DLGAP2: variants seen among roughly 807,000 people sequenced by gnomAD.
DLGAP2 encodes the protein disks large-associated protein 2.
In DLGAP2, 26 loss-of-function variants were observed where a neutral mutation model predicts 100.3. The observed-to-expected ratio is 0.26, with a 90% CI of 0.19 to 0.36. The LOEUF (loss-of-function observed/expected upper bound fraction) is 0.36, where lower values mean the gene tolerates loss of function less well. DLGAP2 is among the 10% of genes least tolerant of loss of function. The probability of loss-of-function intolerance (pLI) is 1.00; values close to 1 mark genes in which losing one functional copy is unlikely to be tolerated. For missense variants in DLGAP2, 1,858 were observed against 1,453.2 expected (o/e 1.28, Z -4.53); for synonymous variants, 886 against 630.1 (o/e 1.41, Z -6.08).
At chr8:1,233,311 T>C (rs4073840) in intron 2 of DLGAP2, among the ~76,000 whole-genome samples, 67,773 of 152,116 alleles carry the variant, frequency 0.45, 16,059 homozygotes, top group Middle Eastern at 0.55. Context: ...ATTTGCCACG[T>C]GATATATTTA....
intron 3 of DLGAP2, among the ~76,000 whole-genome samples, chr8:1,356,798 G>A (rs972059439): frequency 2.2e-4 from 34 of 152,234 alleles, no homozygotes; most frequent in Admixed American, 2.2e-3. Context: ...AGTGAATGAG[G>A]TGAGTATAAG....
chr8:1,028,925 C>G (rs1322717805), intron 2 of DLGAP2, among the ~76,000 whole-genome samples: 1 of 152,098 alleles, frequency 6.6e-6, no homozygotes, highest in Non-Finnish European at 1.5e-5. Context: ...ACGGCCTGAC[C>G]GAGGGGCAGC....
chr8:1,580,376 C>G (rs148768159), intron 6 of DLGAP2, among the ~76,000 whole-genome samples: 16 of 152,148 alleles, frequency 1.1e-4, no homozygotes, highest in African/African-American at 3.4e-4. Context: ...CTCGACATAA[C>G]GAAGAAATCA....
rs1379768845 is a variant in DLGAP2, at chr8:1,705,963, T to A, written c.*4557T>A. On this transcript the variant is annotated 3_prime_UTR_variant, in exon 15 of 15. Coordinates refer to ENST00000637795, the MANE Select transcript of DLGAP2 (RefSeq NM_001346810.2). ...TGTGGGCTGGGTCAATGCAGTGTGC[T>A]TCATTCAGGGCCATGTGGCAGCCAT... 6.6e-6 allele frequency: 1 copy of A among 152,228 alleles called. No individual in the cohort carries two copies. Among genetic ancestry groups the A allele is most frequent in the African/African-American group, 2.4e-5 (1 of 41,446 alleles). The allele number at this position is 152,228 out of a possible 1,614,324, so 9.4% of individuals were successfully genotyped here. A position where few individuals can be genotyped will look rare whatever the true frequency, so the allele number is the denominator to read the frequency against.
chr8:1,501,263 A>G lies in DLGAP2; in HGVS notation c.107-103A>G, dbSNP rs917688062. On this transcript the variant is annotated intron_variant, in intron 3 of 14. Coordinates refer to ENST00000637795, the MANE Select transcript of DLGAP2 (RefSeq NM_001346810.2). ...TTGAAGAAATACAAAGGTGTCTGTC[A>G]TGTTTGAACTGTTGAGTGTGGAGGG... 12 of 1,220,096 alleles carry G rather than the reference A, an allele frequency of 9.8e-6. No homozygotes were observed. The African/African-American group carries it at 1.5e-4, about 15-fold the overall frequency. 75.6% of individuals were successfully genotyped at this position (1,220,096 alleles called of 1,614,324 possible).
At chr8:1,591,297 CT>C (rs1347750750) in intron 6 of DLGAP2, among the ~76,000 whole-genome samples, 1 of 152,050 alleles carries the variant, frequency 6.6e-6, no homozygotes, top group Non-Finnish European at 1.5e-5. Flanking sequence ...CCCCCTCCCC[CT>C]CCCTCTTCCT....
At chr8:1,180,930 G>A (rs28407257) in intron 2 of DLGAP2, among the ~76,000 whole-genome samples, 46,243 of 110,812 alleles carry the variant, frequency 0.42, 13,683 homozygotes, top group Admixed American at 0.58. Context: ...TGCAAGGGCA[G>A]TACACTTACT....
At chr8:1,462,801 A>G (rs967822710) in intron 3 of DLGAP2, among the ~76,000 whole-genome samples, 16 of 152,240 alleles carry the variant, frequency 1.1e-4, no homozygotes, top group African/African-American at 3.6e-4. Flanking sequence ...CGTGAGATAC[A>G]GCAGCCCTCA....
intron 6 of DLGAP2, among the ~76,000 whole-genome samples, chr8:1,581,075 TCTAC>T (rs1803226153): frequency 6.9e-6 from 1 of 144,418 alleles, no homozygotes; most frequent in African/African-American, 2.6e-5. Context: ...CCCACACACA[TCTAC>T]ACACCACAGT....
intron 4 of DLGAP2, among the ~76,000 whole-genome samples, chr8:1,525,460 G>C (rs1800761564): frequency 6.6e-6 from 1 of 152,174 alleles, no homozygotes; most frequent in Non-Finnish European, 1.5e-5. Flanking sequence ...GACCATCAGA[G>C]TCCCAGTGTA....
intron 2 of DLGAP2, among the ~76,000 whole-genome samples, chr8:1,238,509 A>G (rs1262493527): frequency 2.4e-5 from 3 of 124,224 alleles, no homozygotes; most frequent in Non-Finnish European, 5.2e-5. Context: ...CGCCGTGTCT[A>G]GTTCTCTCAC....
intron 1 of DLGAP2, among the ~76,000 whole-genome samples, chr8:797,303 A>T (rs4077571): frequency 0.37 from 55,549 of 152,122 alleles, 10,462 homozygotes; most frequent in Non-Finnish European, 0.41. Context: ...ATGGATTCAT[A>T]GAGTATGTAT....
intron 3 of DLGAP2, among the ~76,000 whole-genome samples, chr8:1,497,834 AT>A (rs1279863051): frequency 6.6e-6 from 1 of 152,132 alleles, no homozygotes; most frequent in Non-Finnish European, 1.5e-5. Flanking sequence ...TTGTAGGTAG[AT>A]TTTTCCTGTT....
intron 3 of DLGAP2, among the ~76,000 whole-genome samples, chr8:1,387,384 T>G (rs1796244811): frequency 6.6e-6 from 1 of 152,202 alleles, no homozygotes; most frequent in African/African-American, 2.4e-5. Context: ...AACCCTGAAT[T>G]GGGCAGTGGC....
intron 3 of DLGAP2, among the ~76,000 whole-genome samples, chr8:1,364,165 A>T (rs1454042640): frequency 6.6e-6 from 1 of 152,116 alleles, no homozygotes; most frequent in Non-Finnish European, 1.5e-5. Flanking sequence ...CCACTGGATG[A>T]CATGTTGCAT....
intron 1 of DLGAP2, among the ~76,000 whole-genome samples, chr8:794,008 G>T (rs895284552): frequency 3.9e-5 from 6 of 152,188 alleles, no homozygotes; most frequent in African/African-American, 1.4e-4. Context: ...TGGGTGGGGG[G>T]TGTTTCTAGC....
intron 6 of DLGAP2, among the ~76,000 whole-genome samples, chr8:1,574,636 A>T (rs1802888881): frequency 6.6e-6 from 1 of 152,168 alleles, no homozygotes; most frequent in African/African-American, 2.4e-5. Context: ...TTTTGTTATG[A>T]CCCAAATCAT....
Position 755,681 on chromosome 8 carries a change from A to G in DLGAP2, c.18+17856A>G, listed in dbSNP as rs117803985. ...GGTGGAGCTCTTTGTGAATCTGAGG[A>G]CTGTGGGTTGACTAGCGGCTGGCAT... On this transcript the variant is annotated intron_variant, in intron 1 of 14. Transcript: ENST00000637795. Among the ~76,000 whole-genome samples the G allele has an allele frequency of 4.2e-3, 641 of 151,946 alleles. 1 individual carries two copies. The highest frequency in any genetic ancestry group is 6.7e-3 in the Non-Finnish European group (455 of 67,930).
At chr8:1,076,576 A>G (rs894327058) in intron 2 of DLGAP2, among the ~76,000 whole-genome samples, 5 of 152,106 alleles carry the variant, frequency 3.3e-5, no homozygotes, top group Admixed American at 2.6e-4. Flanking sequence ...CCCTCTCTTG[A>G]GCCGCCTTCC....
Sources: allele counts gnomAD v4.1 joint callset (sites outside exome capture counted in the v4.1 genomes callset), GRCh38; gene constraint gnomAD v4.1.1; transcripts MANE v1.5; gene names NCBI Gene and HGNC (gene_info 2026-07-23, HGNC 2026-07-21).